The following SMAP1 variants were observed in gnomAD, a reference collection of about 807,000 sequenced individuals.
SMAP1 encodes the protein stromal membrane-associated protein 1.
In SMAP1, 24 loss-of-function variants were observed where a neutral mutation model predicts 58.5. The observed-to-expected ratio is 0.41, with a 90% CI of 0.30 to 0.58. The LOEUF (loss-of-function observed/expected upper bound fraction) is 0.58. Ranked by LOEUF, SMAP1 falls within the 20% of genes least tolerant of loss-of-function variation. SMAP1 has a pLI of 0.29. For synonymous variants in SMAP1, 216 were observed against 196.6 expected, an observed-to-expected ratio of 1.10 and a Z score of -0.82; for missense variants, 563 against 566.3, an observed-to-expected ratio of 0.99 and a Z score of 0.06.
chr6:70,837,456 G>C (rs1770637794), intron 7 of SMAP1, among the ~76,000 whole-genome samples: 1 of 151,802 alleles, frequency 6.6e-6, no homozygotes, highest in African/African-American at 2.4e-5. Flanking sequence ...TTTAATTTTG[G>C]TTAACTGAAG....
At chr6:70,746,472 GT>G (rs1562130214) in intron 2 of SMAP1, among the ~76,000 whole-genome samples, 2 of 152,232 alleles carry the variant, frequency 1.3e-5, no homozygotes, top group Non-Finnish European at 2.9e-5. Context: ...GATGGATTAC[GT>G]TTATTGATTT....
chr6:70,846,243 T>C (rs1770983654), intron 7 of SMAP1, among the ~76,000 whole-genome samples: 1 of 152,214 alleles, frequency 6.6e-6, no homozygotes, highest in Non-Finnish European at 1.5e-5. Context: ...CTATTTGTTT[T>C]CCGCCATGGC....
intron 1 of SMAP1, among the ~76,000 whole-genome samples, chr6:70,710,085 C>T (rs1013234334): frequency 3.3e-5 from 5 of 152,136 alleles, no homozygotes; most frequent in South Asian, 4.1e-4. Context: ...TGCTCCTAGG[C>T]GACAAACCTG....
intron 4 of SMAP1, among the ~76,000 whole-genome samples, chr6:70,773,685 A>C (rs951487179): frequency 2.0e-5 from 3 of 152,210 alleles, no homozygotes; most frequent in African/African-American, 7.2e-5. Flanking sequence ...AAAAAGCTAG[A>C]ACCACTAATT....
At chr6:70,746,709 T>C (rs903741583) in intron 2 of SMAP1, among the ~76,000 whole-genome samples, 9 of 152,192 alleles carry the variant, frequency 5.9e-5, no homozygotes, top group African/African-American at 2.2e-4. Context: ...GGGCGATTCC[T>C]TCTTTTTCTA....
intron 1 of SMAP1, among the ~76,000 whole-genome samples, chr6:70,686,430 G>A (rs148762488): frequency 6.6e-6 from 1 of 152,296 alleles, no homozygotes; most frequent in African/African-American, 2.4e-5. Flanking sequence ...TAATATGGGT[G>A]TAAATGGCCC....
intron 2 of SMAP1, among the ~76,000 whole-genome samples, chr6:70,741,048 T>C (rs1284728868): frequency 6.6e-6 from 1 of 152,114 alleles, no homozygotes; most frequent in Non-Finnish European, 1.5e-5. Context: ...CACATGGGAA[T>C]TATGGGAGCT....
At chr6:70,776,467 C>T (rs890865841) in intron 4 of SMAP1, among the ~76,000 whole-genome samples, 17 of 152,178 alleles carry the variant, frequency 1.1e-4, no homozygotes, top group African/African-American at 4.1e-4. Flanking sequence ...GTGTGAGCCA[C>T]CACACCCTGC....
rs149794852 is a variant in SMAP1 at position 70,674,346 on chromosome 6, C to T, written c.118+6205C>T. Among the ~76,000 whole-genome samples, 99 of 152,184 alleles carry T rather than the reference C, an allele frequency of 6.5e-4. No individual in the cohort carries two copies. In the East Asian group the frequency reaches 0.016, roughly 24 times the overall value. On this transcript the variant is annotated intron_variant, in intron 1 of 10. Coordinates refer to ENST00000370455, the MANE Select transcript of SMAP1 (RefSeq NM_001044305.3). The stretch of plus-strand genomic sequence containing the variant: ...CAGGCTAGTCTTGAACTCCTGGGTT[C>T]GAGTGATCTGCCTCCCTCAGTCTCC...
At chr6:70,683,262 C>T (rs1011589285) in intron 1 of SMAP1, among the ~76,000 whole-genome samples, 1 of 150,898 alleles carries the variant, frequency 6.6e-6, no homozygotes, top group African/African-American at 2.4e-5. Context: ...CCTCCGCCTC[C>T]CGTGTTCAAG....
rs182153773 is a variant in SMAP1, at chr6:70,756,923, C to T, written c.338+1858C>T. On this transcript the variant is annotated intron_variant, in intron 3 of 10. Coordinates refer to ENST00000370455, the MANE Select transcript of SMAP1 (RefSeq NM_001044305.3). The stretch of plus-strand genomic sequence containing the variant: ...GCTCATGGGTAGGAAGAATCAATAT[C>T]GTGAAAATGGCCATACTGCCCAAGG... Among the ~76,000 whole-genome samples, 1,517 of 152,000 alleles carry T rather than the reference C, an allele frequency of 1.0e-2. 16 individuals are homozygous for T. The highest frequency in any genetic ancestry group is 0.017 in the Non-Finnish European group (1,126 of 67,918).
At chr6:70,709,001 C>T (rs1012266273) in intron 1 of SMAP1, among the ~76,000 whole-genome samples, 1 of 152,054 alleles carries the variant, frequency 6.6e-6, no homozygotes, top group South Asian at 2.1e-4. Context: ...GCTTTTGTGG[C>T]TTGAGCTTTC....
chr6:70,844,251 A>G (rs1045300467), intron 7 of SMAP1, among the ~76,000 whole-genome samples: 1 of 152,164 alleles, frequency 6.6e-6, no homozygotes, highest in Non-Finnish European at 1.5e-5. Flanking sequence ...TTATTTTTTA[A>G]ACAATCAGTT....
chr6:70,668,002 G>C lies in SMAP1; in HGVS notation c.-22G>C. 2 of 1,569,080 alleles carry C rather than the reference G, an allele frequency of 1.3e-6. No individual in the cohort carries two copies. The highest frequency in any genetic ancestry group is 1.7e-6 in the Non-Finnish European group (2 of 1,159,244). Reference sequence around the variant, plus strand: ...GTCCGCCGCCGCCGTAGCTGCCCCAGGCTCCCCGCCCCGCTGCCGAGATGG... The same window carrying C: ...GTCCGCCGCCGCCGTAGCTGCCCCACGCTCCCCGCCCCGCTGCCGAGATGG... On this transcript the variant is annotated 5_prime_UTR_variant, in exon 1 of 11. Coordinates refer to ENST00000370455, the MANE Select transcript of SMAP1 (RefSeq NM_001044305.3).
chr6:70,808,578 T>C (rs910468671), intron 6 of SMAP1, among the ~76,000 whole-genome samples: 9 of 152,190 alleles, frequency 5.9e-5, no homozygotes, highest in Non-Finnish European at 7.3e-5. Context: ...CTCCTTTTCT[T>C]TCTTTATTAA....
At chr6:70,723,885 T>C (rs952882779) in intron 1 of SMAP1, among the ~76,000 whole-genome samples, 2 of 152,190 alleles carry the variant, frequency 1.3e-5, no homozygotes, top group Non-Finnish European at 2.9e-5. Context: ...AGCTTTAAAA[T>C]AACTTATTTT....
In SMAP1 at chr6:70,766,353, T is replaced by G. The variant is rs780259092; in HGVS notation, c.339-6997T>G. Among the ~76,000 whole-genome samples, 159 of 152,248 alleles carry G rather than the reference T, an allele frequency of 1.0e-3. 1 individual carries two copies. Among genetic ancestry groups the G allele is most frequent in the Middle Eastern group, 6.8e-3 (2 of 292 alleles). On this transcript the variant is annotated intron_variant, in intron 3 of 10. Coordinates refer to ENST00000370455, the MANE Select transcript of SMAP1 (RefSeq NM_001044305.3). Reference sequence around the variant, plus strand: ...TCCACAATGGTTGAACTAGTTTACATTCCCACCAACAGTGTAAAAGTGTTC... The same window carrying G: ...TCCACAATGGTTGAACTAGTTTACAGTCCCACCAACAGTGTAAAAGTGTTC...
At chr6:70,756,075 A>C (rs1766477860) in intron 3 of SMAP1, among the ~76,000 whole-genome samples, 1 of 152,078 alleles carries the variant, frequency 6.6e-6, no homozygotes, top group Admixed American at 6.6e-5. Context: ...TTTTCTAAAT[A>C]TAAAATCATA....
At chr6:70,726,878 T>G (rs999517217) in intron 1 of SMAP1, among the ~76,000 whole-genome samples, 2 of 63,114 alleles carry the variant, frequency 3.2e-5, no homozygotes, top group South Asian at 4.8e-4. Context: ...TTTAGGGGTG[T>G]GTGTGTGTGT....
Sources: gnomAD v4.1 joint callset for allele counts (sites outside exome capture counted in the v4.1 genomes callset) on GRCh38, gnomAD v4.1.1 for gene constraint, MANE v1.5 for transcripts, NCBI Gene and HGNC (gene_info 2026-07-23, HGNC 2026-07-21) for gene names.